KLF15: variants seen among roughly 807,000 people sequenced by gnomAD.
KLF15 encodes the protein KLF transcription factor 15, also known as Krueppel-like factor 15.
In KLF15, 4 loss-of-function variants were observed where a neutral mutation model predicts 24.6. The ratio of observed to expected loss-of-function variants is 0.16; its 90% CI spans 0.08 to 0.37. The LOEUF (loss-of-function observed/expected upper bound fraction) is 0.37, where lower values mean the gene tolerates loss of function less well. Among genes scored for constraint, KLF15 ranks in the 10% least tolerant of loss-of-function variants. The pLI is 1.00. For synonymous variants in KLF15, 246 were observed against 236.3 expected (o/e 1.04, Z -0.37); for missense variants, 496 against 560.6 (o/e 0.88, Z 1.16).
At chr3:126,329,829 A>G in the KLF15 span, among the ~76,000 whole-genome samples, 3 of 130,400 alleles carry the variant, frequency 2.3e-5, no homozygotes, top group African/African-American at 6.1e-5. Context: ...GTTTCAGCAT[A>G]TTATTACACT....
the KLF15 span, among the ~76,000 whole-genome samples, chr3:126,308,858 G>A: frequency 5.3e-5 from 8 of 152,306 alleles, no homozygotes; most frequent in Admixed American, 2.0e-4. Context: ...CTGGCCTCAC[G>A]GCAGGACAGC....
intron 2 of KLF15, among the ~76,000 whole-genome samples, chr3:126,348,785 G>A (rs1180945954): frequency 1.3e-5 from 2 of 152,208 alleles, no homozygotes; most frequent in Non-Finnish European, 2.9e-5. Context: ...GAAGAGACAG[G>A]TAAGCACATT....
chr3:126,321,245 G>A, the KLF15 span, among the ~76,000 whole-genome samples: 1 of 152,212 alleles, frequency 6.6e-6, no homozygotes, highest in East Asian at 1.9e-4. Flanking sequence ...AGGGGCCAGG[G>A]CCACAGAGGA....
chr3:126,333,387 C>G, the KLF15 span, among the ~76,000 whole-genome samples: 1 of 149,932 alleles, frequency 6.7e-6, no homozygotes, highest in Admixed American at 6.7e-5. Context: ...ATTTTGTCAC[C>G]ACTAGGCCTG....
At chr3:126,303,982 T>A in the KLF15 span, among the ~76,000 whole-genome samples, 1 of 152,208 alleles carries the variant, frequency 6.6e-6, no homozygotes. Context: ...CTTTTATACA[T>A]ATAGAATGCA....
chr3:126,290,862 T>C, the KLF15 span: 1 of 152,244 alleles, frequency 6.6e-6, no homozygotes, highest in Non-Finnish European at 1.5e-5. Flanking sequence ...ACTTCAAAAT[T>C]TTCATATAAG....
chr3:126,329,485 A>G, the KLF15 span, among the ~76,000 whole-genome samples: 1 of 152,178 alleles, frequency 6.6e-6, no homozygotes, highest in African/African-American at 2.4e-5. Flanking sequence ...AACCTGTCTC[A>G]AATAGAATTA....
intron 1 of KLF15, among the ~76,000 whole-genome samples, chr3:126,354,927 G>A (rs2082617837): frequency 6.6e-6 from 1 of 152,240 alleles, no homozygotes; most frequent in Non-Finnish European, 1.5e-5. Context: ...TGGTTCCTCA[G>A]GTGTTGTGAG....
At chr3:126,305,426 C>T in the KLF15 span, among the ~76,000 whole-genome samples, 1 of 152,300 alleles carries the variant, frequency 6.6e-6, no homozygotes, top group East Asian at 1.9e-4. Context: ...TCATGCTTGA[C>T]AACTCAGGGT....
the KLF15 span, among the ~76,000 whole-genome samples, chr3:126,299,483 C>T: frequency 1.3e-5 from 2 of 151,962 alleles, no homozygotes; most frequent in Non-Finnish European, 2.9e-5. Context: ...GGCACGGTGG[C>T]TCACGCCTGT....
At chr3:126,294,488 G>C in the KLF15 span, among the ~76,000 whole-genome samples, 27 of 152,286 alleles carry the variant, frequency 1.8e-4, no homozygotes, top group African/African-American at 6.3e-4. Flanking sequence ...CTGTAAGAAA[G>C]CAGTTAACTC....
intron 2 of KLF15, among the ~76,000 whole-genome samples, chr3:126,344,121 G>C (rs1006960347): frequency 6.6e-6 from 1 of 152,164 alleles, no homozygotes; most frequent in Non-Finnish European, 1.5e-5. Context: ...ACAGGCTGGA[G>C]TGCAGTGGCG....
the KLF15 span, among the ~76,000 whole-genome samples, chr3:126,331,392 T>C: frequency 2.0e-5 from 3 of 152,230 alleles, no homozygotes; most frequent in African/African-American, 4.8e-5. Context: ...TTGCTTGATA[T>C]GCAATTAGAA....
chr3:126,302,423 A>T, the KLF15 span, among the ~76,000 whole-genome samples: 2 of 142,920 alleles, frequency 1.4e-5, no homozygotes, highest in Non-Finnish European at 3.2e-5. Context: ...TAAGGCTTCT[A>T]TATTGTGGCT....
At chr3:126,331,982 C>A in the KLF15 span, among the ~76,000 whole-genome samples, 403 of 152,250 alleles carry the variant, frequency 2.6e-3, no homozygotes, top group African/African-American at 9.5e-3. Flanking sequence ...AAGGCGCCAG[C>A]GAGGCTGGGG....
chr3:126,294,470 C>T, the KLF15 span, among the ~76,000 whole-genome samples: 3 of 152,126 alleles, frequency 2.0e-5, no homozygotes, highest in East Asian at 1.9e-4. Flanking sequence ...TTATTAATTG[C>T]GATTCATCTG....
the KLF15 span, among the ~76,000 whole-genome samples, chr3:126,315,066 A>G: frequency 2.0e-5 from 3 of 151,692 alleles, no homozygotes; most frequent in Middle Eastern, 0.01. Context: ...GGCTCCTGCT[A>G]TTTGCTGCCA....
At chr3:126,337,525 AT>A in the KLF15 span, among the ~76,000 whole-genome samples, 1 of 149,798 alleles carries the variant, frequency 6.7e-6, no homozygotes, top group Non-Finnish European at 1.5e-5. Context: ...ATGTATACAT[AT>A]GTAACTAACC....
Position 126,356,224 on chromosome 3 carries a change from A to G in KLF15, c.-26+1013T>C, listed in dbSNP as rs1446992041. On this transcript the variant is annotated intron_variant, in intron 1 of 2. Transcript: ENST00000296233. This position sits in a 1 kb window ranked among gnomAD's most constrained non-coding sequence, Gnocchi z 4.4. ...GTCCCTGAGCCGCCCGCAGGCCCCAAAGTCGCAGAGTCCGGGCGTCCTCAC... is the reference window on the plus strand; with the variant it reads ...GTCCCTGAGCCGCCCGCAGGCCCCAGAGTCGCAGAGTCCGGGCGTCCTCAC... Among the ~76,000 whole-genome samples, 2 of 152,126 alleles carry G rather than the reference A, an allele frequency of 1.3e-5. No homozygotes were observed. The highest frequency in any genetic ancestry group is 2.4e-5 in the African/African-American group (1 of 41,416).
Sources: gnomAD v4.1 joint callset for allele counts (sites outside exome capture counted in the v4.1 genomes callset) on GRCh38, gnomAD v4.1.1 for gene constraint, Gnocchi (gnomAD v3.1) non-coding constraint, MANE v1.5 for transcripts, NCBI Gene and HGNC (gene_info 2026-07-23, HGNC 2026-07-21) for gene names.